Variants in RGS7 observed in about 807,000 individuals in gnomAD.
The protein encoded by RGS7 is regulator of G-protein signaling 7.
RGS7 carries 27 observed loss-of-function variants against 81.1 expected under a neutral mutation model. The observed-to-expected ratio is 0.33, with a 90% CI of 0.25 to 0.46. The LOEUF is 0.46. Among genes scored for constraint, RGS7 ranks in the 20% least tolerant of loss-of-function variants. RGS7 has a pLI of 1.00. For missense variants in RGS7, 396 were observed against 607.4 expected (o/e 0.65, Z 3.66); for synonymous variants, 208 against 207.7 (o/e 1.00, Z -0.01).
intron 2 of RGS7, among the ~76,000 whole-genome samples, chr1:241,277,615 T>C (rs941733723): frequency 2.4e-5 from 3 of 122,504 alleles, no homozygotes; most frequent in Non-Finnish European, 3.7e-5. Context: ...CGAGACTCCA[T>C]CTCAAAAAAA....
chr1:241,252,509 C>CATCACTAT (rs2076882955), intron 2 of RGS7, among the ~76,000 whole-genome samples: 1 of 152,210 alleles, frequency 6.6e-6, no homozygotes, highest in Non-Finnish European at 1.5e-5. Flanking sequence ...CTTTGAGAAA[C>CATCACTAT]ATCACTATAT....
At chr1:241,228,145 G>A (rs969312949) in intron 2 of RGS7, among the ~76,000 whole-genome samples, 2 of 152,152 alleles carry the variant, frequency 1.3e-5, no homozygotes, top group African/African-American at 4.8e-5. Context: ...CTAGCCTGAC[G>A]CTGCTATTTT....
At chr1:240,779,093 T>C (rs1344915910) in intron 18 of RGS7, among the ~76,000 whole-genome samples, 1 of 118,730 alleles carries the variant, frequency 8.4e-6, no homozygotes, top group South Asian at 2.9e-4. Context: ...ATGGGATTAG[T>C]GTTCTTTGTG....
At chr1:240,936,784 T>C (rs1182177221) in intron 4 of RGS7, 78 bp from the exon 5 acceptor site, 2 of 1,071,234 alleles carry the variant, frequency 1.9e-6, no homozygotes, top group Non-Finnish European at 2.9e-6. Flanking sequence ...CGTTTTTGTG[T>C]GGTTCCTTTT....
At chr1:240,875,607 TAC>T (rs1342319197) in intron 6 of RGS7, among the ~76,000 whole-genome samples, 1 of 152,192 alleles carries the variant, frequency 6.6e-6, no homozygotes, top group East Asian at 1.9e-4. Context: ...GGAACTTCTG[TAC>T]AGTTTTCCAT....
intron 18 of RGS7, among the ~76,000 whole-genome samples, chr1:240,785,796 C>G (rs1317775476): frequency 3.3e-5 from 5 of 152,138 alleles, no homozygotes; most frequent in Non-Finnish European, 7.3e-5. Context: ...GAAGCTCTTG[C>G]ACAATTTAAA....
At chr1:240,849,810 G>T (rs1430157934) in intron 9 of RGS7, among the ~76,000 whole-genome samples, 1 of 152,174 alleles carries the variant, frequency 6.6e-6, no homozygotes, top group Non-Finnish European at 1.5e-5. Flanking sequence ...CCTGTAGAAC[G>T]ATGAGCCAAT....
At chr1:240,830,402 A>G (rs1338550932) in intron 9 of RGS7, among the ~76,000 whole-genome samples, 1 of 152,252 alleles carries the variant, frequency 6.6e-6, no homozygotes, top group African/African-American at 2.4e-5. Context: ...ACCTGTCTAT[A>G]GCAGAAATCG....
intron 2 of RGS7, among the ~76,000 whole-genome samples, chr1:241,208,587 C>G (rs1227552017): frequency 6.6e-6 from 1 of 152,064 alleles, no homozygotes; most frequent in Non-Finnish European, 1.5e-5. Flanking sequence ...TAGTTACCTC[C>G]GTCATGACAA....
intron 3 of RGS7, among the ~76,000 whole-genome samples, chr1:241,079,947 A>G (rs2063042304): frequency 2.6e-5 from 4 of 152,188 alleles, no homozygotes; most frequent in South Asian, 2.1e-4. Context: ...AGAATAGCCA[A>G]TATTTGTGAG....
At chr1:241,091,775 T>C (rs921267958) in intron 3 of RGS7, among the ~76,000 whole-genome samples, 18 of 151,868 alleles carry the variant, frequency 1.2e-4, no homozygotes, top group Admixed American at 1.2e-3. Flanking sequence ...TAGTCCCAGC[T>C]ACTTGGGAGG....
chr1:240,788,678 T>G (rs900391605), intron 18 of RGS7, among the ~76,000 whole-genome samples: 5 of 152,194 alleles, frequency 3.3e-5, no homozygotes, highest in African/African-American at 4.8e-5. Context: ...ATACTTCTAT[T>G]TGTGTGATGA....
intron 2 of RGS7, among the ~76,000 whole-genome samples, chr1:241,223,622 A>T (rs2075139470): frequency 1.3e-5 from 2 of 152,124 alleles, no homozygotes; most frequent in African/African-American, 2.4e-5. Context: ...AGCGCATTCA[A>T]ATATTGTAAA....
chr1:241,201,188 A>G (rs879299926), intron 2 of RGS7, among the ~76,000 whole-genome samples: 1 of 152,056 alleles, frequency 6.6e-6, no homozygotes, highest in Admixed American at 6.6e-5. Flanking sequence ...CACTATGCCT[A>G]CCCCACTTCT....
intron 6 of RGS7, among the ~76,000 whole-genome samples, chr1:240,884,077 CAAAAAAAAAAAAA>C (rs4047365): frequency 5.6e-4 from 32 of 57,376 alleles, no homozygotes; most frequent in East Asian, 1.9e-3. Context: ...AACTCCATCT[CAAAAAAAAAAAAA>C]AAAAAAAAAA....
chr1:241,182,535 A>C (rs2071711091), intron 2 of RGS7, among the ~76,000 whole-genome samples: 1 of 151,962 alleles, frequency 6.6e-6, no homozygotes, highest in Non-Finnish European at 1.5e-5. Flanking sequence ...ACTTGCTACT[A>C]TTCTGACCTG....
chr1:241,121,426 A>G (rs1446080060), intron 2 of RGS7, among the ~76,000 whole-genome samples: 1 of 152,212 alleles, frequency 6.6e-6, no homozygotes, highest in Non-Finnish European at 1.5e-5. Flanking sequence ...AAAGGAAAAG[A>G]AACAAAAACA....
At chr1:241,095,216 A>C (rs573246608) in intron 3 of RGS7, among the ~76,000 whole-genome samples, 1 of 152,318 alleles carries the variant, frequency 6.6e-6, no homozygotes, top group African/African-American at 2.4e-5. Context: ...TTTTAAGGCA[A>C]TATGTCTTAA....
chr1:241,203,459 T>G (rs2073666340), intron 2 of RGS7, among the ~76,000 whole-genome samples: 2 of 152,274 alleles, frequency 1.3e-5, no homozygotes, highest in South Asian at 4.1e-4. Flanking sequence ...CTCGATCTCC[T>G]GACCTTGTGA....
Sources: gnomAD v4.1 joint callset for allele counts (sites outside exome capture counted in the v4.1 genomes callset) on GRCh38, gnomAD v4.1.1 for gene constraint, MANE v1.5 for transcripts, NCBI Gene and HGNC (gene_info 2026-07-23, HGNC 2026-07-21) for gene names.